The following NXPH2 variants were observed in gnomAD, a reference collection of about 807,000 sequenced individuals.
NXPH2 encodes the protein neurexophilin-2.
Under a neutral mutation model 19.8 loss-of-function variants are expected in NXPH2, and 5 were observed. The ratio of observed to expected loss-of-function variants is 0.25; its 90% confidence interval spans 0.13 to 0.53. NXPH2 has a LOEUF of 0.53. Ranked by LOEUF, NXPH2 falls within the 20% of genes least tolerant of loss-of-function variation. NXPH2 has a pLI of 0.96. For missense variants in NXPH2, 289 were observed against 322.8 expected (o/e 0.90, Z 0.80); for synonymous variants, 154 against 127.4 (o/e 1.21, Z -1.41).
At chr2:138,726,509 T>TA (rs1442489709) in intron 1 of NXPH2, among the ~76,000 whole-genome samples, 2 of 121,194 alleles carry the variant, frequency 1.7e-5, no homozygotes, top group Non-Finnish European at 3.3e-5. Flanking sequence ...TGGAAAAAAG[T>TA]AAAAAAAGAA....
chr2:138,698,928 T>C (rs1680875069), intron 1 of NXPH2, among the ~76,000 whole-genome samples: 1 of 152,178 alleles, frequency 6.6e-6, no homozygotes, highest in South Asian at 2.1e-4. Flanking sequence ...GTAATGAATT[T>C]TGGGACTCAA....
At chr2:138,780,022 AATTCTTCCCTTTCG>A (rs1384937914) in intron 1 of NXPH2, among the ~76,000 whole-genome samples, 155 bp downstream of exon 1, 2 of 152,090 alleles carry the variant, frequency 1.3e-5, no homozygotes, top group Non-Finnish European at 1.5e-5. Context: ...TCCGTTCTTC[AATTCTTCCCTTTCG>A]ACCTCTAAGG....
chr2:138,711,564 C>T (rs889176670), intron 1 of NXPH2, among the ~76,000 whole-genome samples: 3 of 152,078 alleles, frequency 2.0e-5, no homozygotes, highest in Admixed American at 6.5e-5. Flanking sequence ...GAATTGAATC[C>T]GTCTTTGGTT....
At chr2:138,731,500 G>C (rs1040927005) in intron 1 of NXPH2, among the ~76,000 whole-genome samples, 5 of 151,938 alleles carry the variant, frequency 3.3e-5, no homozygotes, top group African/African-American at 7.3e-5. Context: ...CATCTCTCTG[G>C]GCTTTGACAA....
Position 138,779,512 on chromosome 2 carries a change from G to A in NXPH2, c.51+679C>T, listed in dbSNP as rs141383073. Among the ~76,000 whole-genome samples the A allele has an allele frequency of 5.3e-5, 8 of 152,016 alleles. No homozygotes were observed. The East Asian group carries it at 1.6e-3, about 30-fold the overall frequency. On this transcript the variant is annotated intron_variant, in intron 1 of 1. Coordinates refer to ENST00000272641, the MANE Select transcript of NXPH2 (RefSeq NM_007226.3). The stretch of plus-strand genomic sequence containing the variant: ...TCCGAGCCACCCAGACCAGGCGGGC[G>A]GTCTCCCTGAAAAGACAGCTTCGAG...
At chr2:138,698,721 G>C (rs947904797) in intron 1 of NXPH2, among the ~76,000 whole-genome samples, 1 of 152,118 alleles carries the variant, frequency 6.6e-6, no homozygotes, top group Non-Finnish European at 1.5e-5. Context: ...GGGTGTGGTG[G>C]TGCGTGCCTG....
At chr2:138,727,497 T>A (rs895608033) in intron 1 of NXPH2, among the ~76,000 whole-genome samples, 2 of 152,148 alleles carry the variant, frequency 1.3e-5, no homozygotes, top group African/African-American at 4.8e-5. Context: ...TAATGACATA[T>A]GGTATGAAGC....
intron 1 of NXPH2, among the ~76,000 whole-genome samples, chr2:138,758,879 T>C (rs958461252): frequency 6.6e-6 from 1 of 152,196 alleles, no homozygotes; most frequent in Non-Finnish European, 1.5e-5. Context: ...TGAATCTCTA[T>C]ATCACAATAT....
intron 1 of NXPH2, among the ~76,000 whole-genome samples, chr2:138,749,940 GTCAGGTTGAAC>G (rs369721103): frequency 8.3e-4 from 127 of 152,238 alleles, no homozygotes; most frequent in African/African-American, 2.8e-3. Context: ...ATGCTTAGAA[GTCAGGTTGAAC>G]CCAGGAACCC....
At chr2:138,681,419 C>G (rs964692811) in intron 1 of NXPH2, among the ~76,000 whole-genome samples, 2 of 152,128 alleles carry the variant, frequency 1.3e-5, no homozygotes, top group African/African-American at 4.8e-5. Context: ...TGTGTTTATA[C>G]TCAATATAAA....
intron 1 of NXPH2, among the ~76,000 whole-genome samples, chr2:138,771,687 T>G (rs1454925360): frequency 6.6e-6 from 1 of 152,200 alleles, no homozygotes; most frequent in Non-Finnish European, 1.5e-5. Context: ...AGCCTGCTCC[T>G]GCAGGGAAGA....
chr2:138,750,177 C>T (rs929196510), intron 1 of NXPH2, among the ~76,000 whole-genome samples: 2 of 152,066 alleles, frequency 1.3e-5, no homozygotes, highest in Non-Finnish European at 2.9e-5. Context: ...TACAAGTCTT[C>T]TTTATTCTTT....
chr2:138,730,930 T>C (rs995391302), intron 1 of NXPH2, among the ~76,000 whole-genome samples: 1 of 152,168 alleles, frequency 6.6e-6, no homozygotes, highest in African/African-American at 2.4e-5. Flanking sequence ...AGAGGCTCTT[T>C]GCTCTCCCTA....
chr2:138,679,092 A>G (rs189089531), intron 1 of NXPH2, among the ~76,000 whole-genome samples: 189 of 152,362 alleles, frequency 1.2e-3, no homozygotes, highest in African/African-American at 4.4e-3. Flanking sequence ...CTCCGGAGCT[A>G]CATGTTGGGT....
At chr2:138,694,930 T>C (rs1028844448) in intron 1 of NXPH2, among the ~76,000 whole-genome samples, 1 of 152,310 alleles carries the variant, frequency 6.6e-6, no homozygotes, top group East Asian at 1.9e-4. Flanking sequence ...CCTAGATGTA[T>C]AGCCTACTAC....
chr2:138,777,295 T>G (rs1682277733), intron 1 of NXPH2, among the ~76,000 whole-genome samples: 1 of 152,156 alleles, frequency 6.6e-6, no homozygotes, highest in Admixed American at 6.5e-5. Context: ...ATGCTCTTAA[T>G]ATTCTTTATA....
At chr2:138,716,449 A>G (rs1363400211) in intron 1 of NXPH2, among the ~76,000 whole-genome samples, 1 of 152,172 alleles carries the variant, frequency 6.6e-6, no homozygotes, top group Non-Finnish European at 1.5e-5. Context: ...AGCAGGAAGA[A>G]TACTCTCACC....
Position 138,671,204 on chromosome 2 carries a change from A to G in NXPH2, c.513T>C (p.Val171=), listed in dbSNP as rs1226727838. The G allele has an allele frequency of 1.2e-6, 2 of 1,613,900 alleles. No individual in the cohort carries two copies. Among genetic ancestry groups the G allele is most frequent in the Non-Finnish European group, 1.7e-6 (2 of 1,179,848 alleles). Reference sequence around the variant, plus strand: ...TGGTCTCCAAGGTAGACTGGGGGGAAACTTCAAATTCCACCACCTTGGAGG... The same window carrying G: ...TGGTCTCCAAGGTAGACTGGGGGGAGACTTCAAATTCCACCACCTTGGAGG... ...VPPSKVVEFE[V]SPQSTLETKE... Residue 171 remains valine, a synonymous_variant, in exon 2 of 2, where the codon GTT becomes GTC. Transcript: ENST00000272641.
At chr2:138,718,288 A>C (rs1681221993) in intron 1 of NXPH2, among the ~76,000 whole-genome samples, 1 of 152,090 alleles carries the variant, frequency 6.6e-6, no homozygotes, top group African/African-American at 2.4e-5. Flanking sequence ...AAAAATTTCT[A>C]AGAGAGAGAA....
Sources: gnomAD v4.1 joint callset for allele counts (sites outside exome capture counted in the v4.1 genomes callset) on GRCh38, gnomAD v4.1.1 for gene constraint, MANE v1.5 for transcripts, NCBI Gene and HGNC (gene_info 2026-07-23, HGNC 2026-07-21) for gene names.